The following PEPD variants were observed in gnomAD, a reference collection of about 807,000 sequenced individuals.
The protein encoded by PEPD is peptidase D.
In PEPD, 53 loss-of-function variants were observed where a neutral mutation model predicts 60.7. That is an observed-to-expected ratio of 0.87 (90% CI 0.70 to 1.10). PEPD has a LOEUF of 1.10. Ranked by LOEUF, PEPD falls within the 50% of genes least tolerant of loss-of-function variation. PEPD has a pLI of 0.00. For synonymous variants in PEPD, 267 were observed against 284.1 expected (o/e 0.94, Z 0.60); for missense variants, 711 against 711.9 (o/e 1.00, Z 0.01).
chr19:33,485,153 T>A (rs1970374109), intron 6 of PEPD, among the ~76,000 whole-genome samples: 1 of 152,004 alleles, frequency 6.6e-6, no homozygotes, highest in Non-Finnish European at 1.5e-5. Context: ...GGTTCTCACC[T>A]CTTGAGGGTC....
At chr19:33,477,853 C>T (rs1044239184) in intron 7 of PEPD, among the ~76,000 whole-genome samples, 193 bp downstream of exon 7, 1 of 152,130 alleles carries the variant, frequency 6.6e-6, no homozygotes, top group Non-Finnish European at 1.5e-5. Flanking sequence ...AAGTGACTCA[C>T]GTCCTTTCAA....
Position 33,471,919 on chromosome 19 carries a change from T to C in PEPD, c.548+6127A>G, listed in dbSNP as rs182576328. Among the ~76,000 whole-genome samples the C allele has an allele frequency of 2.0e-3, 300 of 152,184 alleles. 1 individual carries two copies. Among genetic ancestry groups the C allele is most frequent in the Middle Eastern group, 0.01 (3 of 294 alleles). On this transcript the variant is annotated intron_variant, in intron 7 of 14. Transcript: ENST00000244137. ...GCTCATGCCTGTAATCCCGGCACTT[T>C]GGGAGGCCGAGGCAGGTGGATCACC...
At chr19:33,478,599 A>T (rs1265661133) in intron 6 of PEPD, among the ~76,000 whole-genome samples, 6 of 152,190 alleles carry the variant, frequency 3.9e-5, no homozygotes, top group Non-Finnish European at 7.3e-5. Flanking sequence ...CTTACAAGGG[A>T]TCCTCAATTA....
rs935032704 is a variant in PEPD, at chr19:33,391,593, G to T, written c.968-114C>A. The T allele has an allele frequency of 5.2e-5, 49 of 941,316 alleles. 1 individual carries two copies. Among genetic ancestry groups the T allele is most frequent in the Non-Finnish European group, 5.6e-5 (34 of 606,114 alleles). The allele number at this position is 941,316 out of a possible 1,614,324, so 58.3% of individuals were successfully genotyped here. ...TGGCTGTGGTGGGAGGGCCTGAGGT[G>T]GGGGGTGAGGGGGCAAGGGTACTAC... On this transcript the variant is annotated intron_variant, in intron 12 of 14. Transcript: ENST00000244137.
chr19:33,423,322 A>G (rs1021128259), intron 9 of PEPD, among the ~76,000 whole-genome samples: 3 of 152,230 alleles, frequency 2.0e-5, no homozygotes, highest in African/African-American at 7.2e-5. Context: ...CTGCTGTTAG[A>G]GATGGAGGCT....
Position 33,387,409 on chromosome 19 carries a change from C to T in PEPD, c.1417G>A (p.Glu473Lys). ...ELLTCVPRTVEEIEACMAGCD... is the reference protein window; with the variant it reads ...ELLTCVPRTVKEIEACMAGCD... The stretch of plus-strand genomic sequence containing the variant: ...CCTGCCATGCATGCTTCAATCTCTT[C>T]CACAGTGCGGGGCACGCAGGTCAGC... The change falls in exon 15 of 15, where the codon GAA becomes AAA. Residue 473 changes from glutamate (E) to lysine (K), a missense_variant. Physicochemically the swap from Glu to Lys is moderately conservative, Grantham distance 56. Coordinates refer to ENST00000244137, the MANE Select transcript of PEPD (RefSeq NM_000285.4). 1 of 1,614,080 alleles carries T rather than the reference C, an allele frequency of 6.2e-7. No individual in the cohort carries two copies. Among genetic ancestry groups the T allele is most frequent in the African/African-American group, 1.3e-5 (1 of 75,070 alleles).
intron 9 of PEPD, among the ~76,000 whole-genome samples, chr19:33,421,243 G>C (rs1182773025): frequency 6.6e-6 from 1 of 152,154 alleles, no homozygotes; most frequent in Non-Finnish European, 1.5e-5. Context: ...CAGGGTTTTT[G>C]GGGGGTCAGC....
intron 13 of PEPD, among the ~76,000 whole-genome samples, chr19:33,390,450 AC>A (rs998660478): frequency 6.6e-6 from 1 of 152,124 alleles, no homozygotes; most frequent in Non-Finnish European, 1.5e-5. Context: ...CACTGCCCCC[AC>A]CCTGCCAAAA....
rs1264816938 is a variant in PEPD, at chr19:33,443,303, C to T, written c.671+19692G>A. On this transcript the variant is annotated intron_variant, in intron 9 of 14. Transcript: ENST00000244137. ...CCTCGTATGGCTAGACTGCACACCA[C>T]ACTTTATTTATCCGTGTAGGAGTTG... 5.3e-5 allele frequency among the ~76,000 whole-genome samples: 8 copies of T among 152,222 alleles called. 1 individual carries two copies. Among genetic ancestry groups the T allele is most frequent in the Admixed American group, 4.6e-4 (7 of 15,280 alleles).
At chr19:33,414,155 C>A (rs182040213) in intron 9 of PEPD, among the ~76,000 whole-genome samples, 1 of 152,212 alleles carries the variant, frequency 6.6e-6, no homozygotes, top group South Asian at 2.1e-4. Flanking sequence ...AAGGGACAGG[C>A]CTCCTGCAGG....
At chr19:33,443,220 T>A (rs1969518658) in intron 9 of PEPD, among the ~76,000 whole-genome samples, 1 of 152,228 alleles carries the variant, frequency 6.6e-6, no homozygotes, top group African/African-American at 2.4e-5. Context: ...GTTTTCAAGA[T>A]CTATCGATTC....
intron 9 of PEPD, among the ~76,000 whole-genome samples, chr19:33,459,961 C>T (rs947638316): frequency 6.6e-6 from 1 of 152,180 alleles, no homozygotes; most frequent in Admixed American, 6.5e-5. Flanking sequence ...GTGCTGTCAA[C>T]ACATATAGAA....
At chr19:33,440,557 C>A (rs760456590) in intron 9 of PEPD, among the ~76,000 whole-genome samples, 3 of 152,088 alleles carry the variant, frequency 2.0e-5, no homozygotes, top group South Asian at 2.1e-4. Flanking sequence ...AGTCTCCTGG[C>A]TGTTTCTGTT....
intron 6 of PEPD, 38 bp from the exon 7 acceptor site, chr19:33,478,128 G>C (rs769143183): frequency 1.4e-6 from 2 of 1,433,894 alleles, no homozygotes; most frequent in South Asian, 1.2e-5. Flanking sequence ...TTAATCCAAC[G>C]GTCTGTCATG....
intron 9 of PEPD, among the ~76,000 whole-genome samples, chr19:33,447,341 G>A (rs73588293): frequency 0.011 from 1,612 of 152,250 alleles, 31 homozygotes; most frequent in African/African-American, 0.036. Context: ...TCCACAAAAC[G>A]GGCTTTTCTA....
intron 3 of PEPD, among the ~76,000 whole-genome samples, chr19:33,504,410 T>C (rs569162736): frequency 6.6e-6 from 1 of 152,302 alleles, no homozygotes; most frequent in South Asian, 2.1e-4. Flanking sequence ...GTGGGGAGTC[T>C]GGGGTCCAGC....
Position 33,512,788 on chromosome 19 carries a change from A to G in PEPD, c.18-12T>C. ...GCCAAAACGAGGGTCTGCAGAGGCA[A>G]GAGCACACACCGCCACACAGGCCTC... On this transcript the variant is annotated splice_polypyrimidine_tract_variant and intron_variant, in intron 1 of 14. Transcript: ENST00000244137. 1 of 1,613,834 alleles carries G rather than the reference A, an allele frequency of 6.2e-7. No individual in the cohort carries two copies. Among genetic ancestry groups the G allele is most frequent in the Non-Finnish European group, 8.5e-7 (1 of 1,179,874 alleles).
chr19:33,493,360 C>G, intron 4 of PEPD, 23 bp from the exon 5 acceptor site: 1 of 1,588,474 alleles, frequency 6.3e-7, no homozygotes, highest in Non-Finnish European at 8.6e-7. Flanking sequence ...AAAGAAAAAC[C>G]CACTTTAGAG....
At chr19:33,438,163 G>A (rs1969416265) in intron 9 of PEPD, among the ~76,000 whole-genome samples, 1 of 152,236 alleles carries the variant, frequency 6.6e-6, no homozygotes, top group African/African-American at 2.4e-5. Context: ...TCAGAGGGCA[G>A]ACCCAGGGTG....
Sources: gnomAD v4.1 joint callset for allele counts (sites outside exome capture counted in the v4.1 genomes callset) on GRCh38, gnomAD v4.1.1 for gene constraint, MANE v1.5 for transcripts, NCBI Gene and HGNC (gene_info 2026-07-23, HGNC 2026-07-21) for gene names.